EYS: variants seen among roughly 807,000 people sequenced by gnomAD.
EYS encodes protein eyes shut homolog.
Under a neutral mutation model 282.1 loss-of-function variants are expected in EYS, and 250 were observed. The observed-to-expected ratio is 0.89, with a 90% CI of 0.80 to 0.98. The LOEUF (loss-of-function observed/expected upper bound fraction) is 0.98, where lower values mean the gene tolerates loss of function less well. EYS is among the 50% of genes least tolerant of loss of function. EYS has a pLI of 0.00. For synonymous variants in EYS, 1,355 were observed against 1,282.9 expected (o/e 1.06, Z -1.20); for missense variants, 4,016 against 3,709.0 (o/e 1.08, Z -2.15).
chr6:65,505,876 T>C (rs1428532799), intron 2 of EYS, among the ~76,000 whole-genome samples: 1 of 152,196 alleles, frequency 6.6e-6, no homozygotes, highest in African/African-American at 2.4e-5. Context: ...TTGGATAGAC[T>C]ATAATTGCCA....
In EYS at chr6:64,590,984, G is replaced by T. The variant is rs1204019770; in HGVS notation, c.4883C>A (p.Ser1628Tyr). ...TGCACTCTTTTTAGAAGGAAATAAA[G>T]ATGGCACTTCTGTGAATGCCACTGA... Reference protein sequence around the residue: ...TPSVAFTEVPSLFPSKKSAKR... With the variant: ...TPSVAFTEVPYLFPSKKSAKR... Residue 1628 changes from serine to tyrosine, a missense_variant, in exon 26 of 43, where the codon TCT becomes TAT. By Grantham distance (144) the Ser-to-Tyr change is moderately radical. Transcript: ENST00000503581. 6.4e-7 allele frequency: 1 copy of T among 1,551,284 alleles called. No homozygotes were observed. The highest frequency in any genetic ancestry group is 1.2e-5 in the South Asian group (1 of 84,058).
chr6:65,327,680 C>T (rs1223338831), intron 11 of EYS, among the ~76,000 whole-genome samples: 1 of 151,428 alleles, frequency 6.6e-6, no homozygotes, highest in Admixed American at 6.6e-5. Context: ...AGATAATTCC[C>T]TAACTCTAAT....
intron 33 of EYS, among the ~76,000 whole-genome samples, chr6:64,046,576 G>T (rs9450642): frequency 0.01 from 1,546 of 151,224 alleles, 19 homozygotes; most frequent in African/African-American, 0.035. Flanking sequence ...AAACACAATA[G>T]AATTTATTTC....
At chr6:65,428,421 G>A (rs971094125) in intron 5 of EYS, among the ~76,000 whole-genome samples, 14 of 151,944 alleles carry the variant, frequency 9.2e-5, no homozygotes, top group Non-Finnish European at 1.9e-4. Flanking sequence ...CTAATTATGT[G>A]CCAATCATTG....
chr6:64,799,320 G>T (rs1774461831), intron 22 of EYS, among the ~76,000 whole-genome samples: 1 of 151,666 alleles, frequency 6.6e-6, no homozygotes, highest in South Asian at 2.1e-4. Context: ...CTTTGAGATT[G>T]AGGACAAAGC....
At chr6:64,406,849 G>A (rs1367876730) in intron 28 of EYS, among the ~76,000 whole-genome samples, 1 of 152,216 alleles carries the variant, frequency 6.6e-6, no homozygotes. Context: ...CTTTTACACT[G>A]TTGGTAGGAG....
intron 35 of EYS, among the ~76,000 whole-genome samples, chr6:63,892,372 C>A (rs1176989308): frequency 6.6e-6 from 1 of 152,042 alleles, no homozygotes; most frequent in Non-Finnish European, 1.5e-5. Context: ...GTACTGGTAC[C>A]AAAACACATA....
At chr6:65,429,675 T>C (rs1398258561) in intron 5 of EYS, among the ~76,000 whole-genome samples, 1 of 151,876 alleles carries the variant, frequency 6.6e-6, no homozygotes, top group Non-Finnish European at 1.5e-5. Flanking sequence ...GACTATACAA[T>C]AAAACAAGCA....
chr6:64,288,755 A>G (rs1768590934), intron 30 of EYS, among the ~76,000 whole-genome samples: 3 of 152,104 alleles, frequency 2.0e-5, no homozygotes, highest in Non-Finnish European at 2.9e-5. Flanking sequence ...TTTTGGTGGT[A>G]TCTGCTGATG....
At chr6:64,304,575 AATT>A (rs1769366477) in intron 30 of EYS, among the ~76,000 whole-genome samples, 1 of 101,602 alleles carries the variant, frequency 9.8e-6, no homozygotes, top group Non-Finnish European at 2.1e-5. Flanking sequence ...ATGTCATATA[AATT>A]ATCTTTTCTG....
intron 22 of EYS, among the ~76,000 whole-genome samples, chr6:64,664,905 G>A (rs1309483455): frequency 1.3e-5 from 2 of 152,182 alleles, no homozygotes; most frequent in Non-Finnish European, 2.9e-5. Flanking sequence ...AACCTGAACA[G>A]ACCAAGACAA....
intron 33 of EYS, among the ~76,000 whole-genome samples, chr6:64,052,133 CTTAA>C (rs1050659171): frequency 3.3e-5 from 5 of 152,102 alleles, no homozygotes; most frequent in East Asian, 1.9e-4. Context: ...GACAACACTT[CTTAA>C]TTATTTTCGA....
chr6:64,379,464 C>G (rs1335514162), intron 29 of EYS: 1 of 152,036 alleles, frequency 6.6e-6, no homozygotes, highest in Non-Finnish European at 1.5e-5. Context: ...AATCTATTAA[C>G]ATAGAAAAAA....
Position 64,230,627 on chromosome 6 carries a change from C to G in EYS, c.6389G>C (p.Cys2130Ser), listed in dbSNP as rs895132829. The change falls in exon 31 of 43, where the codon TGT becomes TCT. Residue 2130 changes from cysteine (C) to serine (S), a missense_variant. Coordinates refer to ENST00000503581, the MANE Select transcript of EYS (RefSeq NM_001142800.2). Reference sequence around the variant, plus strand: ...GAAGCGGCCAGTGAAATGTAGTGGACAGTCACATTGGAATGACACTATGCC... The same window carrying G: ...GAAGCGGCCAGTGAAATGTAGTGGAGAGTCACATTGGAATGACACTATGCC... ...SSGIVSFQCD[C>S]PLHFTGRFCE... 3.9e-5 allele frequency: 61 copies of G among 1,551,128 alleles called. No individual in the cohort carries two copies. Among genetic ancestry groups the G allele is most frequent in the Non-Finnish European group, 5.2e-5 (60 of 1,146,670 alleles).
At chr6:65,030,288 G>A (rs895418460) in intron 13 of EYS, among the ~76,000 whole-genome samples, 7 of 152,038 alleles carry the variant, frequency 4.6e-5, no homozygotes, top group Non-Finnish European at 8.8e-5. Flanking sequence ...CCAACCAGGT[G>A]CTTCCTGGTG....
At chr6:64,967,706 G>T (rs1366148512) in intron 14 of EYS, among the ~76,000 whole-genome samples, 1 of 151,980 alleles carries the variant, frequency 6.6e-6, no homozygotes, top group South Asian at 2.1e-4. Flanking sequence ...TTACAAATCT[G>T]TACTATAAAA....
chr6:64,066,376 G>A lies in EYS; in HGVS notation c.6687C>T (p.Tyr2229=). The A allele has an allele frequency of 1.9e-6, 3 of 1,551,398 alleles. No homozygotes were observed. Among genetic ancestry groups the A allele is most frequent in the Non-Finnish European group, 2.6e-6 (3 of 1,146,554 alleles). ...GGGTGAATGCATTTGTGTTAATGCT[G>A]TAATTAGCAGAAACAGTCAAAATAT... ...SQNILTVSAN[Y]SINTNAFTPI... is the part of the protein sequence containing the mutation. The change falls in exon 33 of 43, where the codon TAC becomes TAT. Residue 2229 remains tyrosine (Y), a synonymous_variant. Coordinates refer to ENST00000503581, the MANE Select transcript of EYS (RefSeq NM_001142800.2).
Position 65,079,907 on chromosome 6 carries a change from G to A in EYS, c.2024-22180C>T, listed in dbSNP as rs74730038. 8.2e-3 allele frequency among the ~76,000 whole-genome samples: 1,253 copies of A among 152,196 alleles called. 16 individuals carry two copies. The highest frequency in any genetic ancestry group is 0.028 in the African/African-American group (1,179 of 41,544). On this transcript the variant is annotated intron_variant, in intron 12 of 42. Coordinates refer to ENST00000503581, the MANE Select transcript of EYS (RefSeq NM_001142800.2). ...AAAATTTGATGGGGCTTGAAAGACA[G>A]AAGTGGGATAATAACAGAGAGAAAA...
At chr6:64,279,531 G>T (rs1360134646) in intron 30 of EYS, among the ~76,000 whole-genome samples, 3 of 152,100 alleles carry the variant, frequency 2.0e-5, no homozygotes, top group Non-Finnish European at 4.4e-5. Context: ...GTTGCCTTAG[G>T]AAAGACAGCA....
Sources: allele counts gnomAD v4.1 joint callset (sites outside exome capture counted in the v4.1 genomes callset), GRCh38; gene constraint gnomAD v4.1.1; transcripts MANE v1.5; gene names NCBI Gene and HGNC (gene_info 2026-07-23, HGNC 2026-07-21).